The following NLGN1 variants were observed in gnomAD, a reference collection of about 807,000 sequenced individuals.
The protein encoded by NLGN1 is neuroligin-1.
A neutral mutation model predicts 65.5 loss-of-function variants in NLGN1; 12 were observed. The observed-to-expected ratio is 0.18, with a 90% CI of 0.12 to 0.30. The LOEUF (loss-of-function observed/expected upper bound fraction) is 0.30. Ranked by LOEUF, NLGN1 falls within the 10% of genes least tolerant of loss-of-function variation. The probability of loss-of-function intolerance (pLI) is 1.00; values close to 1 mark genes in which losing one functional copy is unlikely to be tolerated. For synonymous variants in NLGN1, 350 were observed against 359.5 expected, an observed-to-expected ratio of 0.97 and a Z score of 0.30; for missense variants, 750 against 1,007.1, an observed-to-expected ratio of 0.74 and a Z score of 3.46.
rs548551370 is a variant in NLGN1, at chr3:173,718,120, C to T, written c.494-89560C>T. 2.0e-5 allele frequency among the ~76,000 whole-genome samples: 3 copies of T among 152,166 alleles called. No individual in the cohort carries two copies. In the South Asian group the frequency reaches 6.2e-4, roughly 32 times the overall value. On this transcript the variant is annotated intron_variant, in intron 3 of 6. Transcript: ENST00000457714. ...TTAGGGTATTTCGTATATCCATCAC[C>T]TCAAACGTTTGTTATTTCCTTGTGT...
At chr3:174,293,714 G>C in the NLGN1 span, among the ~76,000 whole-genome samples, 4 of 151,604 alleles carry the variant, frequency 2.6e-5, no homozygotes, top group African/African-American at 9.7e-5. Flanking sequence ...AAAAAACCAG[G>C]ATTGCTGCTC....
rs937428326 is a variant in NLGN1 at position 173,733,181 on chromosome 3, T to C, written c.494-74499T>C. Among the ~76,000 whole-genome samples the C allele has an allele frequency of 2.0e-5, 3 of 152,172 alleles. No individual in the cohort carries two copies. In the South Asian group the frequency reaches 6.2e-4, roughly 31 times the overall value. On this transcript the variant is annotated intron_variant, in intron 3 of 6. Transcript: ENST00000457714. ...TGAAAACTTGAATTGTCTTCTTGGC[T>C]GATTGGAGTTGTTGAGTGAGTGGGA...
intron 4 of NLGN1, among the ~76,000 whole-genome samples, chr3:174,262,574 CT>C (rs1264101599): frequency 6.7e-6 from 1 of 148,824 alleles, no homozygotes; most frequent in African/African-American, 2.5e-5. Flanking sequence ...ATTCTTCTCT[CT>C]TTTTTTCTTT....
At chr3:173,545,710 A>G (rs1430735827) in intron 2 of NLGN1, among the ~76,000 whole-genome samples, 1 of 152,188 alleles carries the variant, frequency 6.6e-6, no homozygotes, top group East Asian at 1.9e-4. Context: ...CCCATCAATG[A>G]TAGACTGGAT....
intron 2 of NLGN1, among the ~76,000 whole-genome samples, chr3:173,453,172 T>C (rs1721924511): frequency 6.6e-6 from 1 of 151,774 alleles, no homozygotes; most frequent in Admixed American, 6.6e-5. Context: ...CAATCACGGC[T>C]CACTGCAGTC....
At position 174,279,235 on chromosome 3, in the gene NLGN1, G is replaced by T; in HGVS notation, c.1234G>T (p.Asp412Tyr). 1 of 1,613,292 alleles carries T rather than the reference G, an allele frequency of 6.2e-7. No individual in the cohort carries two copies. The highest frequency in any genetic ancestry group is 1.1e-5 in the South Asian group (1 of 91,032). ...TGATGGTATATCAGCTAGTGATTTTGACTTTGCTGTTTCAAATTTTGTTGA... is the reference window on the plus strand; with the variant it reads ...TGATGGTATATCAGCTAGTGATTTTTACTTTGCTGTTTCAAATTTTGTTGA... The change falls in exon 6 of 7, where the codon GAC becomes TAC. Residue 412 changes from aspartate to tyrosine, a missense_variant. Physicochemically the swap from Asp to Tyr is radical, Grantham distance 160. Coordinates refer to ENST00000457714, the Ensembl canonical transcript of NLGN1. The surrounding 1 kb of genome is among the most constrained non-coding windows in gnomAD (Gnocchi z 4.7).
At chr3:174,226,162 G>A (rs1561332934) in intron 4 of NLGN1, among the ~76,000 whole-genome samples, 2 of 152,036 alleles carry the variant, frequency 1.3e-5, no homozygotes, top group Non-Finnish European at 2.9e-5. Context: ...CCTCATCTAT[G>A]AAGAAAGCAT....
intron 2 of NLGN1, among the ~76,000 whole-genome samples, chr3:173,584,131 G>A (rs757877211): frequency 6.6e-6 from 1 of 150,466 alleles, no homozygotes; most frequent in African/African-American, 2.4e-5. Flanking sequence ...GTCTTTAAAC[G>A]TAAAACAAAG....
intron 2 of NLGN1, among the ~76,000 whole-genome samples, chr3:173,574,997 G>A (rs775443287): frequency 4.6e-5 from 7 of 152,010 alleles, no homozygotes; most frequent in Non-Finnish European, 8.8e-5. Context: ...TGATCCTCCC[G>A]CCTCAGTCTC....
chr3:173,851,561 C>T (rs12635868), intron 4 of NLGN1, among the ~76,000 whole-genome samples: 2 of 152,176 alleles, frequency 1.3e-5, no homozygotes, highest in Non-Finnish European at 2.9e-5. Context: ...AGGTAAACAA[C>T]TAAGACAGTT....
intron 2 of NLGN1, among the ~76,000 whole-genome samples, chr3:173,564,231 G>T (rs370510265): frequency 6.6e-6 from 1 of 152,218 alleles, no homozygotes; most frequent in Non-Finnish European, 1.5e-5. Context: ...TGTAGGCACA[G>T]GTTTCCGTTA....
intron 4 of NLGN1, among the ~76,000 whole-genome samples, chr3:173,926,653 C>G (rs1018034573): frequency 2.0e-5 from 3 of 152,178 alleles, no homozygotes; most frequent in African/African-American, 7.2e-5. Context: ...TTTTCATTAC[C>G]TGTAGCTATC....
intron 4 of NLGN1, among the ~76,000 whole-genome samples, chr3:174,014,054 G>A (rs1359871480): frequency 6.6e-6 from 1 of 151,964 alleles, no homozygotes; most frequent in African/African-American, 2.4e-5. Flanking sequence ...ATAGTACAAA[G>A]GTATGGTTGA....
chr3:174,056,972 G>T (rs1486227029), intron 4 of NLGN1, among the ~76,000 whole-genome samples: 1 of 151,204 alleles, frequency 6.6e-6, no homozygotes, highest in African/African-American at 2.4e-5. Flanking sequence ...GACATTTTCA[G>T]TTGGGTCTTA....
At chr3:173,522,307 A>G (rs1174781105) in intron 2 of NLGN1, among the ~76,000 whole-genome samples, 1 of 152,202 alleles carries the variant, frequency 6.6e-6, no homozygotes, top group East Asian at 1.9e-4. Context: ...ATGGCTACAC[A>G]GTATTCCATG....
At chr3:174,023,495 C>T (rs1579829547) in intron 4 of NLGN1, among the ~76,000 whole-genome samples, 1 of 152,132 alleles carries the variant, frequency 6.6e-6, no homozygotes, top group East Asian at 1.9e-4. Flanking sequence ...GCATAGAAAG[C>T]GTATTGGAAA....
At chr3:174,080,861 T>TAG (rs1238858850) in intron 4 of NLGN1, among the ~76,000 whole-genome samples, 4 of 151,610 alleles carry the variant, frequency 2.6e-5, no homozygotes, top group Non-Finnish European at 5.9e-5. Flanking sequence ...ATTATTATTT[T>TAG]AGAGAGACAG....
chr3:173,527,738 T>A (rs770505489), intron 2 of NLGN1, among the ~76,000 whole-genome samples: 1 of 152,110 alleles, frequency 6.6e-6, no homozygotes, highest in Admixed American at 6.5e-5. Flanking sequence ...TCCTATAGAG[T>A]TGTTTGAGCT....
intron 2 of NLGN1, among the ~76,000 whole-genome samples, chr3:173,442,724 GGATTTGATAATAAATACCAT>G (rs1719430990): frequency 6.6e-6 from 1 of 152,084 alleles, no homozygotes; most frequent in African/African-American, 2.4e-5. Context: ...GAGGTCTGCA[GGATTTGATAATAAATACCAT>G]GGCAGACAAT....
Sources: gnomAD v4.1 joint callset for allele counts (sites outside exome capture counted in the v4.1 genomes callset) on GRCh38, gnomAD v4.1.1 for gene constraint, Gnocchi (gnomAD v3.1) non-coding constraint, MANE v1.5 for transcripts, NCBI Gene and HGNC (gene_info 2026-07-23, HGNC 2026-07-21) for gene names.